TBCD: variants seen among roughly 807,000 people sequenced by gnomAD.
TBCD encodes tubulin folding cofactor D.
In TBCD, 105 loss-of-function variants were observed where a neutral mutation model predicts 169.3. The observed-to-expected ratio is 0.62, with a 90% CI of 0.53 to 0.73. The LOEUF (loss-of-function observed/expected upper bound fraction) is 0.73. Ranked by LOEUF, TBCD falls within the 30% of genes least tolerant of loss-of-function variation. The pLI is 0.00. For synonymous variants in TBCD, 700 were observed against 643.9 expected, an observed-to-expected ratio of 1.09 and a Z score of -1.32; for missense variants, 1,444 against 1,600.1, an observed-to-expected ratio of 0.90 and a Z score of 1.66.
At position 82,930,479 on chromosome 17, in the gene TBCD, G is replaced by T; in HGVS notation, c.2992-43G>T. The T allele has an allele frequency of 9.4e-6, 15 of 1,601,516 alleles. No individual in the cohort carries two copies. Among genetic ancestry groups the T allele is most frequent in the Non-Finnish European group, 1.1e-5 (13 of 1,175,254 alleles). ...TGTAGCCAAGCCTGAGGGGTGGCAG[G>T]CTCGGGGGTCCCACTGCCTTCTGAG... On this transcript the variant is annotated intron_variant, in intron 32 of 38. Coordinates refer to ENST00000355528, the MANE Select transcript of TBCD (RefSeq NM_005993.5). This position sits in a 1 kb window ranked among gnomAD's most constrained non-coding sequence, Gnocchi z 5.2.
chr17:82,929,175 C>T lies in TBCD; in HGVS notation c.2756C>T (p.Ala919Val), dbSNP rs1354779838. The T allele has an allele frequency of 6.2e-7, 1 of 1,613,730 alleles. No individual in the cohort carries two copies. Among genetic ancestry groups the T allele is most frequent in the Non-Finnish European group, 8.5e-7 (1 of 1,179,878 alleles). Residue 919 changes from alanine to valine, a missense_variant, in exon 31 of 39, where the codon GCT (alanine) becomes GTT (valine). Coordinates refer to ENST00000355528, the MANE Select transcript of TBCD (RefSeq NM_005993.5). ...QASEKIDRFR[A>V]HAASVFLTLL... ...AGTGAGAAGATTGACCGTTTCCGTG[C>T]TCACGCCGCCAGCGTGTTCCTGACG...
At chr17:82,807,473 T>G (rs2051057664) in intron 10 of TBCD, 135 bp from the exon 11 acceptor site, 2 of 488,068 alleles carry the variant, frequency 4.1e-6, no homozygotes, top group African/African-American at 4.0e-5. Context: ...TCTTTTCCTG[T>G]CATTAAAATT....
At chr17:82,762,815 C>T (rs1461577601) in intron 2 of TBCD, among the ~76,000 whole-genome samples, 1 of 152,056 alleles carries the variant, frequency 6.6e-6, no homozygotes, top group South Asian at 2.1e-4. Flanking sequence ...TACTGTTGAC[C>T]ATTTCTACCA....
rs761683998 is a variant in TBCD at position 82,930,684 on chromosome 17, C to T, written c.3113+41C>T. Reference sequence around the variant, plus strand: ...TGGGGCCTCAGAGGCGTGAGTGGTGCTGGTGCCTCTCACCACGTTCCCACA... The same window carrying T: ...TGGGGCCTCAGAGGCGTGAGTGGTGTTGGTGCCTCTCACCACGTTCCCACA... On this transcript the variant is annotated intron_variant, in intron 33 of 38. Coordinates refer to ENST00000355528, the MANE Select transcript of TBCD (RefSeq NM_005993.5). This position sits in a 1 kb window ranked among gnomAD's most constrained non-coding sequence, Gnocchi z 5.2. The T allele has an allele frequency of 6.2e-7, 1 of 1,612,724 alleles. No homozygotes were observed. Among genetic ancestry groups the T allele is most frequent in the Non-Finnish European group, 8.5e-7 (1 of 1,179,288 alleles).
chr17:82,831,589 C>T lies in TBCD; in HGVS notation c.1318+16655C>T. ...TGGAGCCAGGTGCTTAGGGATCGGC[C>T]CCGGGTGAGGCAGGAAGTGTCTCGG... On this transcript the variant is annotated intron_variant, in intron 13 of 38. Transcript: ENST00000355528. This position sits in a 1 kb window ranked among gnomAD's most constrained non-coding sequence, Gnocchi z 4.6. 3 of 1,614,020 alleles carry T rather than the reference C, an allele frequency of 1.9e-6. No homozygotes were observed. The highest frequency in any genetic ancestry group is 1.3e-5 in the African/African-American group (1 of 74,960).
At chr17:82,879,511 C>T (rs1358512189) in intron 14 of TBCD, among the ~76,000 whole-genome samples, 2 of 152,228 alleles carry the variant, frequency 1.3e-5, no homozygotes, top group Non-Finnish European at 2.9e-5. Flanking sequence ...CATAGCGTTG[C>T]CAGGCCATCG....
At chr17:82,888,511 A>T (rs1055552891) in intron 15 of TBCD, among the ~76,000 whole-genome samples, 4 of 152,148 alleles carry the variant, frequency 2.6e-5, no homozygotes, top group African/African-American at 9.7e-5. Flanking sequence ...TTACTTTCCT[A>T]ATGAATTTAT....
Position 82,880,336 on chromosome 17 carries a change from G to A in TBCD, c.1476-3809G>A, listed in dbSNP as rs574823449. Reference sequence around the variant, plus strand: ...GTGTGTACCACTGTGTTCGGCACCCGCTGGGCTGCAGGAGTAATCCAGGGC... The same window carrying A: ...GTGTGTACCACTGTGTTCGGCACCCACTGGGCTGCAGGAGTAATCCAGGGC... On this transcript the variant is annotated intron_variant, in intron 14 of 38. Transcript: ENST00000355528. This position sits in a 1 kb window ranked among gnomAD's most constrained non-coding sequence, Gnocchi z 5.0. 9.2e-5 allele frequency among the ~76,000 whole-genome samples: 14 copies of A among 152,318 alleles called. No homozygotes were observed. The highest frequency in any genetic ancestry group is 3.9e-4 in the East Asian group (2 of 5,192).
chr17:82,826,502 ACCT>A (rs2052863484), intron 13 of TBCD, among the ~76,000 whole-genome samples: 4 of 150,614 alleles, frequency 2.7e-5, no homozygotes, highest in Admixed American at 2.6e-4. Context: ...TGCAGCCTTG[ACCT>A]CCTGGGCTCA....
chr17:82,895,007 A>G (rs1038283052), intron 17 of TBCD, among the ~76,000 whole-genome samples: 1 of 152,214 alleles, frequency 6.6e-6, no homozygotes, highest in African/African-American at 2.4e-5. Flanking sequence ...CCTTTTCCCG[A>G]GTTTCCTGAG....
intron 13 of TBCD, among the ~76,000 whole-genome samples, chr17:82,843,181 T>A (rs2145490477): frequency 6.6e-6 from 1 of 152,254 alleles, no homozygotes; most frequent in Non-Finnish European, 1.5e-5. Flanking sequence ...AGTGTGAAAA[T>A]TTTCAAAATA....
At chr17:82,792,381 GTATA>G (rs1266777311) in intron 7 of TBCD, among the ~76,000 whole-genome samples, 10 of 151,180 alleles carry the variant, frequency 6.6e-5, no homozygotes, top group African/African-American at 2.2e-4. Flanking sequence ...ACATATATGT[GTATA>G]TATATGTATA....
At chr17:82,763,192 G>A (rs1432833996) in intron 2 of TBCD, among the ~76,000 whole-genome samples, 1 of 152,144 alleles carries the variant, frequency 6.6e-6, no homozygotes, top group Non-Finnish European at 1.5e-5. Context: ...AGCTTCTTCT[G>A]TGCTTATTTT....
chr17:82,813,352 G>GA (rs1568175642), intron 12 of TBCD, among the ~76,000 whole-genome samples: 1 of 151,888 alleles, frequency 6.6e-6, no homozygotes, highest in Non-Finnish European at 1.5e-5. Context: ...CCTCCTCTGA[G>GA]ACCCCCCCTG....
chr17:82,830,263 G>C (rs1443741000), intron 13 of TBCD: 8 of 1,614,188 alleles, frequency 5.0e-6, no homozygotes, highest in Middle Eastern at 3.3e-4. Context: ...TTGTCCTTTG[G>C]GTCTGAGGTC....
At chr17:82,810,481 C>T (rs762787375) in intron 12 of TBCD, among the ~76,000 whole-genome samples, 11 of 152,154 alleles carry the variant, frequency 7.2e-5, no homozygotes, top group African/African-American at 9.7e-5. Context: ...TGTGCTGTGC[C>T]GCATTTCTCT....
rs181866556 is a variant in TBCD, at chr17:82,865,238, G to C, written c.1319-4986G>C. The stretch of plus-strand genomic sequence containing the variant: ...TGGCTGTGTGTGCTGGTGCTGAAGG[G>C]AGGGTCTGCAGGGACGGCCACACGG... On this transcript the variant is annotated intron_variant, in intron 13 of 38. Coordinates refer to ENST00000355528, the MANE Select transcript of TBCD (RefSeq NM_005993.5). Among the ~76,000 whole-genome samples the C allele has an allele frequency of 1.6e-3, 240 of 152,226 alleles. 4 individuals carry two copies. In the East Asian group the frequency reaches 0.028, roughly 18 times the overall value.
Position 82,920,552 on chromosome 17 carries a change from C to G in TBCD, c.2039-4C>G, listed in dbSNP as rs74328002. On this transcript the variant is annotated splice_polypyrimidine_tract_variant and splice_region_variant and intron_variant, in intron 23 of 38. Coordinates refer to ENST00000355528, the MANE Select transcript of TBCD (RefSeq NM_005993.5). This position sits in a 1 kb window ranked among gnomAD's most constrained non-coding sequence, Gnocchi z 4.1. ...GCGTCTATCCTTTTTTTTTTTTTTT[C>G]CAGTGTGTGTTTTAATAGAAAAGTT... 33 of 1,373,866 alleles carry G rather than the reference C, an allele frequency of 2.4e-5. No individual in the cohort carries two copies. Among genetic ancestry groups the G allele is most frequent in the Non-Finnish European group, 3.1e-5 (32 of 1,040,592 alleles). The allele number at this position is 1,373,866 out of a possible 1,614,324, so 85.1% of individuals were successfully genotyped here.
intron 6 of TBCD, 107 bp downstream of exon 6, chr17:82,772,614 G>T: frequency 8.1e-7 from 1 of 1,240,142 alleles, no homozygotes; most frequent in Non-Finnish European, 1.2e-6. Context: ...GAAGGACCCC[G>T]GGAAGTCTTT....
Sources: allele counts gnomAD v4.1 joint callset (sites outside exome capture counted in the v4.1 genomes callset), GRCh38; gene constraint gnomAD v4.1.1; non-coding constraint Gnocchi (gnomAD v3.1); transcripts MANE v1.5; gene names NCBI Gene and HGNC (gene_info 2026-07-23, HGNC 2026-07-21).